KDM5B: variants seen among roughly 807,000 people sequenced by gnomAD.
KDM5B encodes the protein lysine-specific demethylase 5B.
In KDM5B, 144 loss-of-function variants were observed where a neutral mutation model predicts 193.4. That is an observed-to-expected ratio of 0.74 (90% CI 0.65 to 0.86). KDM5B has a LOEUF of 0.86. Among genes scored for constraint, KDM5B ranks in the 40% least tolerant of loss-of-function variants. The probability of loss-of-function intolerance (pLI) is 0.00; values close to 1 mark genes in which losing one functional copy is unlikely to be tolerated. For synonymous variants in KDM5B, 668 were observed against 682.6 expected (o/e 0.98, Z 0.33); for missense variants, 1,833 against 1,886.9 (o/e 0.97, Z 0.53).
rs138870219 is a variant in KDM5B at position 202,794,547 on chromosome 1, A to T, written c.204+13555T>A. The stretch of plus-strand genomic sequence containing the variant: ...CTGCCTAAGGGCACATAAAGTACAT[A>T]GCTGGGAAAAGAAATCTTAGCCTAG... On this transcript the variant is annotated intron_variant, in intron 1 of 26. Coordinates refer to ENST00000367265, the MANE Select transcript of KDM5B (RefSeq NM_006618.5). 9.8e-5 allele frequency among the ~76,000 whole-genome samples: 15 copies of T among 152,364 alleles called. No homozygotes were observed. The East Asian group carries it at 2.9e-3, about 29-fold the overall frequency.
intron 14 of KDM5B, among the ~76,000 whole-genome samples, chr1:202,747,040 T>C (rs1234153643): frequency 6.6e-6 from 1 of 152,192 alleles, no homozygotes; most frequent in African/African-American, 2.4e-5. Context: ...TCTATCACCT[T>C]TTCTCCCTAT....
chr1:202,765,886 G>A (rs1270213889), intron 5 of KDM5B, among the ~76,000 whole-genome samples: 2 of 151,950 alleles, frequency 1.3e-5, no homozygotes, highest in Non-Finnish European at 2.9e-5. Flanking sequence ...ATATCCATCA[G>A]GCTAGGCAGG....
At chr1:202,787,805 G>A (rs929614303) in intron 1 of KDM5B, among the ~76,000 whole-genome samples, 5 of 151,706 alleles carry the variant, frequency 3.3e-5, no homozygotes, top group Admixed American at 2.6e-4. Context: ...AGGCAGAATC[G>A]CTTGAACCCG....
chr1:202,762,148 C>CT (rs1656274818), intron 7 of KDM5B, among the ~76,000 whole-genome samples: 1 of 152,216 alleles, frequency 6.6e-6, no homozygotes, highest in Non-Finnish European at 1.5e-5. Context: ...TCCCAGCCCT[C>CT]TAACTCTGCC....
chr1:202,750,573 C>A (rs1655748957), intron 13 of KDM5B, 86 bp downstream of exon 13: 3 of 1,447,886 alleles, frequency 2.1e-6, no homozygotes, highest in African/African-American at 2.8e-5. Context: ...CCGCACCCAG[C>A]CCACATGACA....
intron 23 of KDM5B, 26 bp from the exon 24 acceptor site, chr1:202,731,965 T>C (rs1654901649): frequency 6.9e-7 from 1 of 1,456,626 alleles, no homozygotes; most frequent in African/African-American, 1.4e-5. Context: ...CGTTTTATAA[T>C]AAAATCTCTT....
At chr1:202,796,937 C>T (rs765083355) in intron 1 of KDM5B, 1 of 152,392 alleles carries the variant, frequency 6.6e-6, no homozygotes, top group African/African-American at 2.4e-5. Context: ...TACCTGGTTG[C>T]TCAGAGGTGG....
chr1:202,792,042 T>C (rs1657661684), intron 1 of KDM5B, among the ~76,000 whole-genome samples: 1 of 152,198 alleles, frequency 6.6e-6, no homozygotes, highest in South Asian at 2.1e-4. Context: ...TAATAAGTAC[T>C]GAATTGAGAC....
At chr1:202,745,767 T>C in intron 16 of KDM5B, 91 bp downstream of exon 16, 6 of 1,428,148 alleles carry the variant, frequency 4.2e-6, no homozygotes, top group Middle Eastern at 1.8e-4. Context: ...GAGGTCAGGC[T>C]GTTTCAAGAA....
chr1:202,750,347 T>C (rs372846897), intron 13 of KDM5B, among the ~76,000 whole-genome samples: 74 of 152,236 alleles, frequency 4.9e-4, no homozygotes, highest in African/African-American at 1.7e-3. Flanking sequence ...GGCGTGATCT[T>C]GGCTCACTGC....
intron 2 of KDM5B, among the ~76,000 whole-genome samples, chr1:202,776,785 C>G (rs928998330): frequency 6.6e-6 from 1 of 152,072 alleles, no homozygotes; most frequent in Non-Finnish European, 1.5e-5. Context: ...CAGGCCAACC[C>G]TCCTGCCCCA....
At chr1:202,774,492 T>G (rs1374497383) in intron 3 of KDM5B, 121 bp downstream of exon 3, 6 of 824,326 alleles carry the variant, frequency 7.3e-6, no homozygotes, top group African/African-American at 1.7e-5. Context: ...CCTCCCAAAG[T>G]GCTGAGATTA....
At chr1:202,804,843 C>G (rs1338491313) in intron 1 of KDM5B, among the ~76,000 whole-genome samples, 1 of 100,054 alleles carries the variant, frequency 1.0e-5, no homozygotes, top group Admixed American at 1.3e-4. Flanking sequence ...CAGGCCTGGG[C>G]AACAAGAGCA....
In KDM5B at chr1:202,742,643, A is replaced by G; in HGVS notation, c.2474+12T>C. The G allele has an allele frequency of 1.2e-6, 2 of 1,613,474 alleles. No homozygotes were observed. Among genetic ancestry groups the G allele is most frequent in the Non-Finnish European group, 1.7e-6 (2 of 1,179,582 alleles). On this transcript the variant is annotated intron_variant, in intron 17 of 26. Transcript: ENST00000367265. Reference sequence around the variant, plus strand: ...CCAAAGAATCCAAACTCACGCAGTCAGAAGCGCATACCTAGTTTGCCTTTT... The same window carrying G: ...CCAAAGAATCCAAACTCACGCAGTCGGAAGCGCATACCTAGTTTGCCTTTT...
chr1:202,747,038 C>T, intron 14 of KDM5B, among the ~76,000 whole-genome samples: 1 of 152,158 alleles, frequency 6.6e-6, no homozygotes, highest in East Asian at 1.9e-4. Flanking sequence ...CTTCTATCAC[C>T]TTTTCTCCCT....
At chr1:202,766,443 T>C in intron 5 of KDM5B, 1 of 403,296 alleles carries the variant, frequency 2.5e-6, no homozygotes, top group South Asian at 1.8e-5. Context: ...GAGGCGGAGG[T>C]TGCAGTGAGC....
At position 202,779,804 on chromosome 1, in the gene KDM5B, AAAATAAATAAATAAAT is replaced by A. The variant is rs145024625; in HGVS notation, c.205-2726_205-2711del. 1.7e-4 allele frequency among the ~76,000 whole-genome samples: 24 copies of A among 141,330 alleles called. 1 individual carries two copies. Among genetic ancestry groups the A allele is most frequent in the Admixed American group, 7.8e-4 (11 of 14,044 alleles). The allele number at this position is 141,330 out of a possible 152,430, so 92.7% of individuals were successfully genotyped here. ...GGCGACAGAGTCAGACTCCGTCTCA[AAAATAAATAAATAAAT>A]AAATAAATAAATAAATAAATAAATA... On this transcript the variant is annotated intron_variant, in intron 1 of 26. Coordinates refer to ENST00000367265, the MANE Select transcript of KDM5B (RefSeq NM_006618.5).
In KDM5B at chr1:202,742,712, T is replaced by A. The variant is rs762068944; in HGVS notation, c.2417A>T (p.Asp806Val). 6.2e-7 allele frequency: 1 copy of A among 1,614,226 alleles called. No homozygotes were observed. The highest frequency in any genetic ancestry group is 1.1e-5 in the South Asian group (1 of 91,086). Residue 806 changes from aspartate (D) to valine (V), a missense_variant, in exon 17 of 27, where the codon GAT becomes GTT. By Grantham distance (152) the Asp-to-Val change is radical (BLOSUM62 -3). Transcript: ENST00000367265. Reference protein sequence around the residue: ...LLRHLRLVTQDAEKCASVAQQ... With the variant: ...LLRHLRLVTQVAEKCASVAQQ... ...CGCAACAGAGGCACACTTCTCTGCA[T>A]CCTGTGTGACTAGGCGAAGGTGTCG...
chr1:202,808,014 C>A (rs1483675904), intron 1 of KDM5B, 88 bp downstream of exon 1: 6 of 1,331,568 alleles, frequency 4.5e-6, no homozygotes, highest in South Asian at 3.1e-5. Flanking sequence ...CGGCTCCCCG[C>A]CCCCCGCGCC....
Sources: gnomAD v4.1 joint callset for allele counts (sites outside exome capture counted in the v4.1 genomes callset) on GRCh38, gnomAD v4.1.1 for gene constraint, MANE v1.5 for transcripts, NCBI Gene and HGNC (gene_info 2026-07-23, HGNC 2026-07-21) for gene names.